Variants in PDS5B observed in about 807,000 individuals in gnomAD.
PDS5B encodes PDS5 cohesin associated factor B, also known as sister chromatid cohesion protein PDS5 homolog B.
Under a neutral mutation model 184.1 loss-of-function variants are expected in PDS5B, and 51 were observed. The observed-to-expected ratio is 0.28, with a 90% confidence interval of 0.22 to 0.35. The LOEUF (loss-of-function observed/expected upper bound fraction) is 0.35, where lower values mean the gene tolerates loss of function less well. PDS5B is among the 10% of genes least tolerant of loss of function. PDS5B has a pLI of 1.00. For synonymous variants in PDS5B, 566 were observed against 569.2 expected (o/e 0.99, Z 0.08); for missense variants, 1,180 against 1,723.3 (o/e 0.68, Z 5.58).
chr13:32,609,030 C>G (rs185219394), intron 1 of PDS5B, among the ~76,000 whole-genome samples: 1 of 152,176 alleles, frequency 6.6e-6, no homozygotes, highest in Non-Finnish European at 1.5e-5. Flanking sequence ...TGCTACCTAG[C>G]TAGGTTGATA....
intron 19 of PDS5B, among the ~76,000 whole-genome samples, chr13:32,727,387 A>T (rs761642650): frequency 5.3e-5 from 8 of 152,088 alleles, no homozygotes; most frequent in Middle Eastern, 3.4e-3. Context: ...CATAATAACC[A>T]TTTCTGTCAC....
At chr13:32,681,920 A>G (rs986558152) in intron 10 of PDS5B, among the ~76,000 whole-genome samples, 5 of 152,212 alleles carry the variant, frequency 3.3e-5, no homozygotes, top group Non-Finnish European at 7.3e-5. Flanking sequence ...TAATTGCCCT[A>G]TTTGTAATAT....
At chr13:32,748,546 A>G (rs1189276864) in intron 24 of PDS5B, among the ~76,000 whole-genome samples, 1 of 149,992 alleles carries the variant, frequency 6.7e-6, no homozygotes, top group Non-Finnish European at 1.5e-5. Flanking sequence ...TTCTTTGGCC[A>G]TGTCATCATC....
At chr13:32,773,130 C>A (rs79320079) in intron 33 of PDS5B, 59 bp from the exon 34 acceptor site, 3 of 1,416,648 alleles carry the variant, frequency 2.1e-6, no homozygotes, top group South Asian at 1.4e-5. Context: ...TTTCTTCTAA[C>A]GAGGTAATCT....
chr13:32,674,261 C>A (rs976162066), intron 8 of PDS5B, among the ~76,000 whole-genome samples: 3 of 151,916 alleles, frequency 2.0e-5, no homozygotes, highest in Non-Finnish European at 4.4e-5. Flanking sequence ...CTTTGTGGAC[C>A]CAGAAAAGTT....
intron 19 of PDS5B, among the ~76,000 whole-genome samples, chr13:32,720,900 C>T (rs1952650233): frequency 6.6e-6 from 1 of 152,048 alleles, no homozygotes; most frequent in African/African-American, 2.4e-5. Context: ...CTTGCACCGC[C>T]CTTAATCCAT....
In PDS5B at chr13:32,776,371, C is replaced by T. The variant is rs1954957983; in HGVS notation, c.*1319C>T. ...CTTGTGAACTTTGAATGAAATTCCA[C>T]TTTGTCCAGATTGGGAGAAGTGGAA... On this transcript the variant is annotated 3_prime_UTR_variant, in exon 35 of 35. Transcript: ENST00000315596. 1.3e-5 allele frequency: 2 copies of T among 152,386 alleles called. No homozygotes were observed. The highest frequency in any genetic ancestry group is 2.9e-5 in the Non-Finnish European group (2 of 67,938). The allele number at this position is 152,386 out of a possible 1,614,324, so 9.4% of individuals were successfully genotyped here. A position where few individuals can be genotyped will look rare whatever the true frequency, so the allele number is the denominator to read the frequency against.
At chr13:32,676,791 C>T (rs1430661254) in intron 9 of PDS5B, among the ~76,000 whole-genome samples, 1 of 151,838 alleles carries the variant, frequency 6.6e-6, no homozygotes, top group Non-Finnish European at 1.5e-5. Context: ...ATTAGCCAGG[C>T]GTGGTGGCAG....
At chr13:32,602,111 A>G (rs2057984875) in intron 1 of PDS5B, among the ~76,000 whole-genome samples, 1 of 151,852 alleles carries the variant, frequency 6.6e-6, no homozygotes, top group Admixed American at 6.6e-5. Context: ...TTAAAATTAT[A>G]CTTTAAGTGC....
chr13:32,733,939 T>TATGCC (rs1196651335), intron 20 of PDS5B, among the ~76,000 whole-genome samples: 3 of 150,936 alleles, frequency 2.0e-5, no homozygotes, highest in African/African-American at 7.4e-5. Flanking sequence ...TCTCTCTCCT[T>TATGCC]ATGCCAATGG....
rs398022224 is a variant in PDS5B at position 32,652,160 on chromosome 13, T to TTA, written c.312+153_312+154insTA. Reference sequence around the variant, plus strand: ...TAAACTTAATGTTTTTTTTTTTTTTTAGAACTTATTTTTGAAAAACTTTCT... The same window carrying TTA: ...TAAACTTAATGTTTTTTTTTTTTTTTTAAGAACTTATTTTTGAAAAACTTTCT... On this transcript the variant is annotated intron_variant, in intron 3 of 34. Transcript: ENST00000315596. 8.5e-6 allele frequency: 5 copies of TTA among 591,544 alleles called. No individual in the cohort carries two copies. The African/African-American group carries it at 9.4e-5, about 11-fold the overall frequency. 36.6% of individuals were successfully genotyped at this position (591,544 alleles called of 1,614,324 possible).
At chr13:32,678,757 A>G in intron 9 of PDS5B, 78 bp from the exon 10 acceptor site, 2 of 822,908 alleles carry the variant, frequency 2.4e-6, no homozygotes, top group Non-Finnish European at 4.1e-6. Context: ...AATTAGATAA[A>G]TGTAAATTGG....
chr13:32,716,161 G>A (rs2140907874), intron 19 of PDS5B, among the ~76,000 whole-genome samples: 1 of 132,704 alleles, frequency 7.5e-6, no homozygotes, highest in South Asian at 2.6e-4. Flanking sequence ...TGGCTGCCCA[G>A]TCTGGATAGT....
Position 32,614,080 on chromosome 13 carries a change from C to G in PDS5B, c.-20+27487C>G, listed in dbSNP as rs530283311. Among the ~76,000 whole-genome samples the G allele has an allele frequency of 2.0e-5, 3 of 152,156 alleles. No homozygotes were observed. In the East Asian group the frequency reaches 5.8e-4, roughly 29 times the overall value. ...TATTTCTAGGCTGTCTGTTCTGTTC[C>G]ATTGGTGTATATCTCATTGTGCCAG... On this transcript the variant is annotated intron_variant, in intron 1 of 34. Transcript: ENST00000315596.
intron 19 of PDS5B, among the ~76,000 whole-genome samples, chr13:32,721,792 GACA>G (rs1452328386): frequency 6.6e-6 from 1 of 151,316 alleles, no homozygotes; most frequent in Non-Finnish European, 1.5e-5. Flanking sequence ...TCACATCCCA[GACA>G]ATGGGCAGCC....
At chr13:32,648,653 G>GTAGT in intron 1 of PDS5B, 101 bp from the exon 2 acceptor site, 1 of 596,912 alleles carries the variant, frequency 1.7e-6, no homozygotes, top group Non-Finnish European at 3.0e-6. Context: ...AAATTAGGAG[G>GTAGT]TAGTTACAAA....
chr13:32,747,725 A>T (rs907840788), intron 24 of PDS5B, among the ~76,000 whole-genome samples: 1 of 152,208 alleles, frequency 6.6e-6, no homozygotes, highest in Non-Finnish European at 1.5e-5. Flanking sequence ...AGAAACCAAC[A>T]TATGTAATTA....
In PDS5B at chr13:32,770,536, G is replaced by T; in HGVS notation, c.4040G>T (p.Arg1347Leu). The T allele has an allele frequency of 6.2e-7, 1 of 1,607,664 alleles. No individual in the cohort carries two copies. Among genetic ancestry groups the T allele is most frequent in the Non-Finnish European group, 8.5e-7 (1 of 1,178,460 alleles). ...CAGAAGTCCAAAAGCAAACAGCACC[G>T]AGTGTCAAGGAGAGCACAGCAGAGG... ...TEQKSKSKQH[R>L]VSRRAQQRAE... Residue 1347 changes from arginine (R) to leucine (L), a missense_variant, in exon 32 of 35, where the codon CGA becomes CTA. By Grantham distance (102) the Arg-to-Leu change is moderately radical. Coordinates refer to ENST00000315596, the MANE Select transcript of PDS5B (RefSeq NM_015032.4).
At chr13:32,634,248 T>C (rs1258486323) in intron 1 of PDS5B, among the ~76,000 whole-genome samples, 1 of 152,248 alleles carries the variant, frequency 6.6e-6, no homozygotes, top group Non-Finnish European at 1.5e-5. Flanking sequence ...TATGTGATAA[T>C]GACCAGACTC....
Sources: allele counts gnomAD v4.1 joint callset (sites outside exome capture counted in the v4.1 genomes callset), GRCh38; gene constraint gnomAD v4.1.1; transcripts MANE v1.5; gene names NCBI Gene and HGNC (gene_info 2026-07-23, HGNC 2026-07-21).